Variants in CREB5 observed in about 807,000 individuals in gnomAD.
CREB5 encodes cAMP responsive element binding protein 5.
A neutral mutation model predicts 57.1 loss-of-function variants in CREB5; 19 were observed. The ratio of observed to expected loss-of-function variants is 0.33; its 90% CI spans 0.23 to 0.49. The LOEUF is 0.49. CREB5 is among the 20% of genes least tolerant of loss of function. The pLI, the probability that CREB5 is intolerant of heterozygous loss-of-function variation, is 0.99. For synonymous variants in CREB5, 238 were observed against 238.3 expected, an observed-to-expected ratio of 1.00 and a Z score of 0.01; for missense variants, 579 against 671.6, an observed-to-expected ratio of 0.86 and a Z score of 1.52.
At chr7:28,444,162 C>T (rs1016866624) in intron 1 of CREB5, among the ~76,000 whole-genome samples, 4 of 152,136 alleles carry the variant, frequency 2.6e-5, no homozygotes, top group African/African-American at 9.7e-5. Flanking sequence ...CCATTAAATG[C>T]TTTATAAAGA....
intron 5 of CREB5, among the ~76,000 whole-genome samples, chr7:28,621,884 G>A (rs1797804707): frequency 6.6e-6 from 1 of 152,146 alleles, no homozygotes; most frequent in South Asian, 2.1e-4. Flanking sequence ...TTTTAATTGA[G>A]GAAGAGCCTG....
At position 28,580,429 on chromosome 7, in the gene CREB5, C is replaced by CACA. The variant is rs561890036; in HGVS notation, c.464+9892_464+9893insACA. 3.1e-5 allele frequency among the ~76,000 whole-genome samples: 4 copies of CACA among 130,970 alleles called. No homozygotes were observed. In the East Asian group the frequency reaches 6.9e-4, roughly 22 times the overall value. 85.9% of individuals were successfully genotyped at this position (130,970 alleles called of 152,430 possible). Reference sequence around the variant, plus strand: ...CTAGATTTGTCCCAATCCCCCCCCACCACACACACACACACACACACACAC... The same window carrying CACA: ...CTAGATTTGTCCCAATCCCCCCCCACACACACACACACACACACACACACACAC... On this transcript the variant is annotated intron_variant, in intron 5 of 10. Transcript: ENST00000357727.
intron 5 of CREB5, among the ~76,000 whole-genome samples, chr7:28,626,891 T>C (rs368343758): frequency 6.6e-6 from 1 of 152,218 alleles, no homozygotes; most frequent in African/African-American, 2.4e-5. Flanking sequence ...CAATTTCTTT[T>C]CTGTTCCTAG....
chr7:28,572,586 C>G lies in CREB5; in HGVS notation c.464+2049C>G, dbSNP rs142432030. ...AGCAGTTTTACAGCATTCCTTCCCC[C>G]CTGGAGTTCTCCTGCCTCCCTCTCC... On this transcript the variant is annotated intron_variant, in intron 5 of 10. Coordinates refer to ENST00000357727, the MANE Select transcript of CREB5 (RefSeq NM_182898.4). Among the ~76,000 whole-genome samples, 667 of 152,270 alleles carry G rather than the reference C, an allele frequency of 4.4e-3. 7 individuals are homozygous for G. Among genetic ancestry groups the G allele is most frequent in the African/African-American group, 0.015 (619 of 41,544 alleles).
chr7:28,765,378 T>A (rs900899095), intron 7 of CREB5, among the ~76,000 whole-genome samples: 13 of 152,266 alleles, frequency 8.5e-5, no homozygotes, highest in African/African-American at 2.9e-4. Context: ...AAATATTTAT[T>A]CAATATTATT....
intron 4 of CREB5, among the ~76,000 whole-genome samples, chr7:28,525,153 C>T (rs1793395233): frequency 6.6e-6 from 1 of 152,128 alleles, no homozygotes; most frequent in Admixed American, 6.5e-5. Flanking sequence ...CTGTAAATGA[C>T]AGGATTTCTT....
At chr7:28,566,312 A>G (rs745355231) in intron 4 of CREB5, among the ~76,000 whole-genome samples, 8 of 152,252 alleles carry the variant, frequency 5.3e-5, no homozygotes, top group Non-Finnish European at 1.0e-4. Context: ...TGTCAACTGC[A>G]GATTTGACAA....
chr7:28,416,375 T>A (rs1264775857), intron 1 of CREB5, among the ~76,000 whole-genome samples: 1 of 152,208 alleles, frequency 6.6e-6, no homozygotes, highest in Non-Finnish European at 1.5e-5. Flanking sequence ...TTGTTTGAAT[T>A]AGCTGACTAT....
At chr7:28,625,234 G>T (rs530704295) in intron 5 of CREB5, among the ~76,000 whole-genome samples, 1 of 152,276 alleles carries the variant, frequency 6.6e-6, no homozygotes, top group South Asian at 2.1e-4. Context: ...TGACCTCTGT[G>T]CCACTCCATC....
intron 1 of CREB5, among the ~76,000 whole-genome samples, chr7:28,358,217 G>A (rs1186275784): frequency 6.6e-6 from 1 of 152,172 alleles, no homozygotes; most frequent in Non-Finnish European, 1.5e-5. Context: ...GACCTCACAG[G>A]CTCTGTCTAC....
intron 4 of CREB5, among the ~76,000 whole-genome samples, chr7:28,545,266 T>G (rs146212314): frequency 1.7e-3 from 264 of 152,316 alleles, no homozygotes; most frequent in Middle Eastern, 0.01. Context: ...AGGTTTTCCT[T>G]TTCCTTTCTA....
At chr7:28,710,028 A>C (rs1014282305) in intron 5 of CREB5, among the ~76,000 whole-genome samples, 2 of 152,190 alleles carry the variant, frequency 1.3e-5, no homozygotes, top group African/African-American at 4.8e-5. Flanking sequence ...AGTGTTCCTG[A>C]ATTATCCTTG....
At chr7:28,475,091 C>T (rs1791001964) in intron 1 of CREB5, among the ~76,000 whole-genome samples, 1 of 152,002 alleles carries the variant, frequency 6.6e-6, no homozygotes, top group Non-Finnish European at 1.5e-5. Flanking sequence ...TTGGATTATT[C>T]ATCTTTAACT....
intron 5 of CREB5, among the ~76,000 whole-genome samples, chr7:28,650,785 C>T (rs898586139): frequency 8.6e-5 from 13 of 152,036 alleles, no homozygotes; most frequent in African/African-American, 3.1e-4. Context: ...GCAGATGGCT[C>T]TTTAGATCTC....
At chr7:28,448,870 C>T (rs1165516308) in intron 1 of CREB5, among the ~76,000 whole-genome samples, 1 of 152,198 alleles carries the variant, frequency 6.6e-6, no homozygotes, top group Non-Finnish European at 1.5e-5. Flanking sequence ...AAATGACTTG[C>T]TTTTGTTCAC....
In CREB5 at chr7:28,553,701, A is replaced by G. The variant is rs137928831; in HGVS notation, c.292-16664A>G. Among the ~76,000 whole-genome samples, 11 of 152,362 alleles carry G rather than the reference A, an allele frequency of 7.2e-5. No homozygotes were observed. In the East Asian group the frequency reaches 2.1e-3, roughly 29 times the overall value. Reference sequence around the variant, plus strand: ...ACTAGGCACTTTTAGTATGAGGACAAACTGTCAGAATGAAAGTGATTCTTT... The same window carrying G: ...ACTAGGCACTTTTAGTATGAGGACAGACTGTCAGAATGAAAGTGATTCTTT... On this transcript the variant is annotated intron_variant, in intron 4 of 10. Coordinates refer to ENST00000357727, the MANE Select transcript of CREB5 (RefSeq NM_182898.4).
chr7:28,441,463 A>G (rs1789180471), intron 1 of CREB5, among the ~76,000 whole-genome samples: 1 of 152,226 alleles, frequency 6.6e-6, no homozygotes, highest in African/African-American at 2.4e-5. Flanking sequence ...GCTTCCCATC[A>G]GTAAAGTCGG....
At chr7:28,452,039 C>A (rs764010705) in intron 1 of CREB5, among the ~76,000 whole-genome samples, 6 of 152,196 alleles carry the variant, frequency 3.9e-5, no homozygotes, top group Non-Finnish European at 7.3e-5. Flanking sequence ...CTGGACTCTG[C>A]TTTTCCTTCA....
intron 1 of CREB5, among the ~76,000 whole-genome samples, chr7:28,324,743 A>T (rs1785552402): frequency 1.3e-5 from 2 of 152,170 alleles, no homozygotes; most frequent in South Asian, 4.2e-4. Flanking sequence ...GATTTTCTAT[A>T]TCCAATTGTC....
Sources: allele counts gnomAD v4.1 joint callset (sites outside exome capture counted in the v4.1 genomes callset), GRCh38; gene constraint gnomAD v4.1.1; transcripts MANE v1.5; gene names NCBI Gene and HGNC (gene_info 2026-07-23, HGNC 2026-07-21).